UGGT2: variants seen among roughly 807,000 people sequenced by gnomAD.
UGGT2 encodes UDP-glucose:glycoprotein glucosyltransferase 2.
A neutral mutation model predicts 192.1 loss-of-function variants in UGGT2; 180 were observed. The ratio of observed to expected loss-of-function variants is 0.94; its 90% CI spans 0.83 to 1.06. The LOEUF is 1.06. Ranked by LOEUF, UGGT2 falls within the 50% of genes least tolerant of loss-of-function variation. UGGT2 has a pLI of 0.00. For missense variants in UGGT2, 1,849 were observed against 1,795.7 expected, an observed-to-expected ratio of 1.03 and a Z score of -0.54; for synonymous variants, 580 against 591.0, an observed-to-expected ratio of 0.98 and a Z score of 0.27.
chr13:96,034,386 G>C (rs2052935196), intron 1 of UGGT2, among the ~76,000 whole-genome samples: 1 of 152,194 alleles, frequency 6.6e-6, no homozygotes, highest in Non-Finnish European at 1.5e-5. Context: ...GAGCTGTACT[G>C]TCTCTCAATA....
At chr13:95,826,748 G>A (rs1886085449) in intron 38 of UGGT2, among the ~76,000 whole-genome samples, 1 of 151,978 alleles carries the variant, frequency 6.6e-6, no homozygotes, top group South Asian at 2.1e-4. Context: ...CCATGAAGAT[G>A]TCAATTCTCT....
At chr13:95,928,201 G>A (rs1184085347) in intron 17 of UGGT2, among the ~76,000 whole-genome samples, 2 of 151,980 alleles carry the variant, frequency 1.3e-5, no homozygotes, top group South Asian at 2.1e-4. Flanking sequence ...ACGGGGTGGC[G>A]GCCGGGCAGA....
intron 20 of UGGT2, among the ~76,000 whole-genome samples, chr13:95,904,153 C>T (rs2048198749): frequency 6.6e-6 from 1 of 151,940 alleles, no homozygotes; most frequent in Admixed American, 6.6e-5. Context: ...TTGTAGTGTA[C>T]TGATGATGTG....
At chr13:95,837,637 G>C (rs545457930) in intron 36 of UGGT2, among the ~76,000 whole-genome samples, 5 of 152,222 alleles carry the variant, frequency 3.3e-5, no homozygotes, top group Non-Finnish European at 7.4e-5. Flanking sequence ...TCCCATTTCT[G>C]CATGCTCAGA....
chr13:95,862,070 A>G (rs1260017466), intron 31 of UGGT2, among the ~76,000 whole-genome samples: 1 of 152,130 alleles, frequency 6.6e-6, no homozygotes, highest in African/African-American at 2.4e-5. Flanking sequence ...AATTGCTCAG[A>G]TTCTATTTCA....
At chr13:95,973,474 G>A (rs1205574985) in intron 10 of UGGT2, among the ~76,000 whole-genome samples, 2 of 152,108 alleles carry the variant, frequency 1.3e-5, no homozygotes, top group African/African-American at 2.4e-5. Context: ...GCAATGATAT[G>A]CCAAAAGTAA....
intron 1 of UGGT2, among the ~76,000 whole-genome samples, chr13:96,047,900 C>G (rs923869603): frequency 1.3e-5 from 2 of 151,910 alleles, no homozygotes; most frequent in Non-Finnish European, 2.9e-5. Flanking sequence ...GACTTTAACA[C>G]CCCACTGTCA....
chr13:95,945,495 T>C (rs1437763200), intron 15 of UGGT2, among the ~76,000 whole-genome samples: 1 of 152,138 alleles, frequency 6.6e-6, no homozygotes, highest in Non-Finnish European at 1.5e-5. Flanking sequence ...GGAGATTATA[T>C]ATTAACAGTA....
intron 12 of UGGT2, among the ~76,000 whole-genome samples, chr13:95,952,586 T>C (rs1362654049): frequency 6.6e-6 from 1 of 152,172 alleles, no homozygotes; most frequent in African/African-American, 2.4e-5. Context: ...TTTCATTCCA[T>C]GGTTAGTTGA....
intron 29 of UGGT2, among the ~76,000 whole-genome samples, chr13:95,872,502 C>A (rs1385659576): frequency 6.6e-6 from 1 of 152,038 alleles, no homozygotes; most frequent in African/African-American, 2.4e-5. Context: ...TTAGGATAAA[C>A]AATATCAGTT....
At chr13:95,986,160 A>G (rs1231322511) in intron 9 of UGGT2, among the ~76,000 whole-genome samples, 173 bp downstream of exon 9, 1 of 152,026 alleles carries the variant, frequency 6.6e-6, no homozygotes. Context: ...GCACAAGCCA[A>G]TATTTTGCTC....
At chr13:95,988,995 G>A (rs1200379180) in intron 8 of UGGT2, among the ~76,000 whole-genome samples, 2 of 152,018 alleles carry the variant, frequency 1.3e-5, no homozygotes, top group African/African-American at 4.8e-5. Context: ...TATCCTTTTA[G>A]TTGTTATTTT....
chr13:95,954,660 G>C (rs1179328307), intron 12 of UGGT2, among the ~76,000 whole-genome samples: 1 of 152,104 alleles, frequency 6.6e-6, no homozygotes, highest in African/African-American at 2.4e-5. Flanking sequence ...AACCTGGAAG[G>C]CACCTGCTTC....
chr13:95,940,743 C>G (rs957473820), intron 15 of UGGT2, among the ~76,000 whole-genome samples: 1 of 151,006 alleles, frequency 6.6e-6, no homozygotes, highest in Non-Finnish European at 1.5e-5. Context: ...GAACTTGCCA[C>G]CACATCTGGA....
At chr13:95,888,282 G>A (rs1354785445) in intron 25 of UGGT2, among the ~76,000 whole-genome samples, 2 of 152,068 alleles carry the variant, frequency 1.3e-5, no homozygotes, top group Non-Finnish European at 2.9e-5. Flanking sequence ...TGAAGAACAA[G>A]GAAAATAATT....
intron 8 of UGGT2, among the ~76,000 whole-genome samples, chr13:95,987,241 A>G: frequency 6.6e-6 from 1 of 151,942 alleles, no homozygotes; most frequent in Non-Finnish European, 1.5e-5. Context: ...TATTCTCTCT[A>G]CTCAGGCTCA....
chr13:95,912,842 A>C (rs913130752), intron 20 of UGGT2, among the ~76,000 whole-genome samples: 2 of 152,208 alleles, frequency 1.3e-5, no homozygotes, highest in Non-Finnish European at 2.9e-5. Context: ...AAACTATACT[A>C]CAAGGCTACA....
chr13:96,053,339 T>A lies in UGGT2; in HGVS notation c.-27A>T. On this transcript the variant is annotated 5_prime_UTR_variant, in exon 1 of 39. Transcript: ENST00000376747. ...GCACGGAGAGAAAAGCGCGAGTCCC[T>A]CGGACCCGGTACCCACAGTCTGTGG... 1.9e-6 allele frequency: 3 copies of A among 1,574,066 alleles called. No individual in the cohort carries two copies. The highest frequency in any genetic ancestry group is 2.6e-6 in the Non-Finnish European group (3 of 1,169,934).
At chr13:95,895,092 A>G in intron 23 of UGGT2, 88 bp downstream of exon 23, 1 of 1,323,692 alleles carries the variant, frequency 7.6e-7, no homozygotes, top group African/African-American at 1.5e-5. Context: ...TTACTTGTCT[A>G]TATATTTGAA....
Sources: gnomAD v4.1 joint callset for allele counts (sites outside exome capture counted in the v4.1 genomes callset) on GRCh38, gnomAD v4.1.1 for gene constraint, MANE v1.5 for transcripts, NCBI Gene and HGNC (gene_info 2026-07-23, HGNC 2026-07-21) for gene names.